Variants in NRG3 observed in about 807,000 individuals in gnomAD.
NRG3 encodes the protein neuregulin 3.
Under a neutral mutation model 66.9 loss-of-function variants are expected in NRG3, and 31 were observed. That is an observed-to-expected ratio of 0.46 (90% CI 0.35 to 0.63). The LOEUF (loss-of-function observed/expected upper bound fraction) is 0.63, where lower values mean the gene tolerates loss of function less well. Among genes scored for constraint, NRG3 ranks in the 20% least tolerant of loss-of-function variants. NRG3 has a pLI of 0.00. For missense variants in NRG3, 910 were observed against 878.9 expected, an observed-to-expected ratio of 1.04 and a Z score of -0.45; for synonymous variants, 393 against 359.4, an observed-to-expected ratio of 1.09 and a Z score of -1.06.
At chr10:82,411,455 T>C (rs2088080409) in intron 2 of NRG3, among the ~76,000 whole-genome samples, 1 of 152,118 alleles carries the variant, frequency 6.6e-6, no homozygotes, top group South Asian at 2.1e-4. Context: ...CGAGCTGGGG[T>C]AACCTCAGGC....
At chr10:82,575,173 A>G (rs562504736) in intron 2 of NRG3, among the ~76,000 whole-genome samples, 19 of 151,882 alleles carry the variant, frequency 1.3e-4, no homozygotes, top group African/African-American at 4.3e-4. Flanking sequence ...TGTTGTACAC[A>G]AGAAATATAT....
At chr10:82,565,259 C>T (rs1021149823) in intron 2 of NRG3, among the ~76,000 whole-genome samples, 6 of 152,126 alleles carry the variant, frequency 3.9e-5, no homozygotes, top group African/African-American at 1.4e-4. Flanking sequence ...CTTCCTTACA[C>T]ATTTGGTCTT....
intron 3 of NRG3, among the ~76,000 whole-genome samples, chr10:82,797,585 A>T (rs1317545511): frequency 2.0e-5 from 3 of 152,120 alleles, no homozygotes; most frequent in African/African-American, 7.2e-5. Context: ...CATGTTCATT[A>T]TATCAAATGT....
intron 1 of NRG3, among the ~76,000 whole-genome samples, chr10:81,988,475 G>T (rs2133546094): frequency 6.6e-6 from 1 of 152,284 alleles, no homozygotes; most frequent in South Asian, 2.1e-4. Context: ...TATTGCTAAT[G>T]CCTACCTATT....
At chr10:82,984,173 A>G (rs1853208362) in intron 8 of NRG3, among the ~76,000 whole-genome samples, 1 of 152,240 alleles carries the variant, frequency 6.6e-6, no homozygotes, top group African/African-American at 2.4e-5. Flanking sequence ...TTCAAGTTCC[A>G]AAACCCCATT....
chr10:82,461,025 A>G (rs986764970), intron 2 of NRG3, among the ~76,000 whole-genome samples: 3 of 151,322 alleles, frequency 2.0e-5, no homozygotes, highest in African/African-American at 7.3e-5. Flanking sequence ...ACCACCATCA[A>G]CAATACCACG....
chr10:82,573,161 A>G (rs2045840505), intron 2 of NRG3, among the ~76,000 whole-genome samples: 1 of 151,828 alleles, frequency 6.6e-6, no homozygotes, highest in Non-Finnish European at 1.5e-5. Flanking sequence ...GTGAAAAGTC[A>G]AATTGTGTGT....
intron 4 of NRG3, among the ~76,000 whole-genome samples, chr10:82,942,928 A>G (rs1848694671): frequency 6.6e-6 from 1 of 152,164 alleles, no homozygotes; most frequent in Non-Finnish European, 1.5e-5. Flanking sequence ...CACAATTGAG[A>G]AATATAGTTA....
intron 3 of NRG3, among the ~76,000 whole-genome samples, chr10:82,826,059 A>G (rs1347176428): frequency 6.6e-6 from 1 of 152,212 alleles, no homozygotes; most frequent in East Asian, 1.9e-4. Flanking sequence ...TCTAAAGGAA[A>G]AAGTGTAAGA....
chr10:82,550,321 G>T (rs1378626800), intron 2 of NRG3, among the ~76,000 whole-genome samples: 1 of 152,110 alleles, frequency 6.6e-6, no homozygotes, highest in Non-Finnish European at 1.5e-5. Flanking sequence ...CTGCCAATGA[G>T]AAAACATGTT....
At chr10:82,203,852 G>T (rs1042267029) in intron 1 of NRG3, among the ~76,000 whole-genome samples, 2 of 152,120 alleles carry the variant, frequency 1.3e-5, no homozygotes, top group African/African-American at 4.8e-5. Flanking sequence ...CAGAAATTCT[G>T]TTTTTAAAAA....
chr10:82,564,292 G>A (rs1230005886), intron 2 of NRG3, among the ~76,000 whole-genome samples: 2 of 152,074 alleles, frequency 1.3e-5, no homozygotes, highest in African/African-American at 4.8e-5. Flanking sequence ...TATATTTTCT[G>A]TTGATTCATT....
chr10:82,541,400 C>T (rs187041271), intron 2 of NRG3, among the ~76,000 whole-genome samples: 4 of 152,136 alleles, frequency 2.6e-5, no homozygotes, highest in East Asian at 1.9e-4. Context: ...GGCGGGCTCA[C>T]GTCTCCAAAA....
At chr10:82,114,266 A>AATG (rs1172815151) in intron 1 of NRG3, among the ~76,000 whole-genome samples, 3 of 152,162 alleles carry the variant, frequency 2.0e-5, no homozygotes, top group Non-Finnish European at 2.9e-5. Context: ...TATTATGAAT[A>AATG]ATGCTACTGT....
At chr10:82,822,639 G>C (rs1035328627) in intron 3 of NRG3, among the ~76,000 whole-genome samples, 2 of 152,102 alleles carry the variant, frequency 1.3e-5, no homozygotes, top group Non-Finnish European at 1.5e-5. Flanking sequence ...GGTTAGGTGG[G>C]CAGATGTTTA....
intron 1 of NRG3, among the ~76,000 whole-genome samples, chr10:81,903,997 T>TATA (rs201025667): frequency 3.0e-4 from 26 of 85,262 alleles, no homozygotes; most frequent in East Asian, 1.1e-3. Context: ...TATATATATA[T>TATA]TTTTTTTTTT....
At chr10:81,952,928 G>C (rs1365366991) in intron 1 of NRG3, among the ~76,000 whole-genome samples, 3 of 151,862 alleles carry the variant, frequency 2.0e-5, no homozygotes. Context: ...TTGGACACTT[G>C]GCCGTTAACT....
intron 2 of NRG3, among the ~76,000 whole-genome samples, chr10:82,452,068 C>T (rs1007270617): frequency 1.3e-5 from 2 of 152,134 alleles, no homozygotes; most frequent in Admixed American, 1.3e-4. Flanking sequence ...GTGAGTGTCC[C>T]CAGATCTATG....
chr10:82,905,382 T>C (rs76346916), intron 4 of NRG3, among the ~76,000 whole-genome samples: 4,136 of 152,244 alleles, frequency 0.027, 180 homozygotes, highest in African/African-American at 0.092. Flanking sequence ...GTGTTGACAG[T>C]GATTATTGAA....
Sources: gnomAD v4.1 joint callset for allele counts (sites outside exome capture counted in the v4.1 genomes callset) on GRCh38, gnomAD v4.1.1 for gene constraint, MANE v1.5 for transcripts, NCBI Gene and HGNC (gene_info 2026-07-23, HGNC 2026-07-21) for gene names.